The following LRPPRC variants were observed in gnomAD, a reference collection of about 807,000 sequenced individuals.
The protein encoded by LRPPRC is leucine-rich PPR motif-containing protein, mitochondrial.
LRPPRC carries 120 observed loss-of-function variants against 180.3 expected under a neutral mutation model. That is an observed-to-expected ratio of 0.67 (90% CI 0.57 to 0.77). The LOEUF is 0.77. Ranked by LOEUF, LRPPRC falls within the 30% of genes least tolerant of loss-of-function variation. LRPPRC has a pLI of 0.00. For missense variants in LRPPRC, 2,012 were observed against 1,657.2 expected (o/e 1.21, Z -3.72); for synonymous variants, 723 against 600.0 (o/e 1.21, Z -3.00).
intron 1 of LRPPRC, among the ~76,000 whole-genome samples, chr2:43,984,761 G>A (rs775108362): frequency 3.3e-5 from 5 of 152,144 alleles, no homozygotes; most frequent in Non-Finnish European, 7.3e-5. Flanking sequence ...CACCAGGCTT[G>A]CACAAGCTGG....
chr2:43,923,396 G>A (rs1572924820), intron 27 of LRPPRC, among the ~76,000 whole-genome samples: 1 of 152,288 alleles, frequency 6.6e-6, no homozygotes, highest in East Asian at 1.9e-4. Flanking sequence ...AGAGGCTGAG[G>A]TGGGAGGATT....
intron 11 of LRPPRC, chr2:43,963,931 C>G: frequency 1.7e-6 from 1 of 573,984 alleles, no homozygotes; most frequent in South Asian, 2.1e-5. Flanking sequence ...AAGAAACTAT[C>G]CTTGAAATTA....
At chr2:43,900,197 G>T (rs1670835353) in intron 32 of LRPPRC, among the ~76,000 whole-genome samples, 1 of 151,890 alleles carries the variant, frequency 6.6e-6, no homozygotes, top group African/African-American at 2.4e-5. Context: ...TCAGGAAAAA[G>T]TATCTTCACA....
chr2:43,974,838 TC>T, intron 7 of LRPPRC, 80 bp from the exon 8 acceptor site: 1 of 1,421,720 alleles, frequency 7.0e-7, no homozygotes. Context: ...ATATCCAGAT[TC>T]AAAAAACTAG....
chr2:43,925,834 G>C (rs1283260730), intron 26 of LRPPRC, 59 bp downstream of exon 26: 1 of 1,072,780 alleles, frequency 9.3e-7, no homozygotes, highest in African/African-American at 1.5e-5. Context: ...GTGATACAGA[G>C]GACCCTTGCC....
chr2:43,909,611 TTAATAATAATAATAATAA>T (rs10542740), intron 30 of LRPPRC, among the ~76,000 whole-genome samples: 27 of 143,716 alleles, frequency 1.9e-4, no homozygotes, highest in Admixed American at 4.2e-4. Flanking sequence ...AAAAACCCAA[TTAATAATAATAATAATAA>T]TAATAATAAT....
intron 17 of LRPPRC, 29 bp downstream of exon 17, chr2:43,948,383 G>A (rs1193443536): frequency 7.6e-7 from 1 of 1,307,234 alleles, no homozygotes; most frequent in African/African-American, 1.4e-5. Context: ...GGCAGGACAG[G>A]CATTATATAG....
chr2:43,972,186 T>C (rs1199030999), intron 11 of LRPPRC, among the ~76,000 whole-genome samples: 1 of 152,200 alleles, frequency 6.6e-6, no homozygotes, highest in African/African-American at 2.4e-5. Context: ...ACGTGGAAGC[T>C]AAGGTCAGTC....
At chr2:43,969,891 G>C (rs565848573) in intron 11 of LRPPRC, among the ~76,000 whole-genome samples, 189 of 152,150 alleles carry the variant, frequency 1.2e-3, no homozygotes, top group Non-Finnish European at 2.3e-3. Flanking sequence ...CCCAAGGCTA[G>C]TCTCAAAATC....
upstream of LRPPRC, chr2:43,996,139 C>A (rs190945903): frequency 9.2e-6 from 5 of 545,348 alleles, no homozygotes; most frequent in Admixed American, 1.5e-4. Flanking sequence ...GTAATATTTA[C>A]ATAAACGATG....
chr2:43,913,623 T>G lies in LRPPRC; in HGVS notation c.3149-1065A>C, dbSNP rs577163325. ...TTTAAGCTAAATTTGGAGAAAAAAA[T>G]ATACGGCAACATTTATATTTGCATC... On this transcript the variant is annotated intron_variant, in intron 29 of 37. Transcript: ENST00000260665. 4.6e-5 allele frequency among the ~76,000 whole-genome samples: 7 copies of G among 152,224 alleles called. No homozygotes were observed. In the East Asian group the frequency reaches 1.2e-3, roughly 25 times the overall value.
chr2:43,947,844 A>G (rs1342474634), intron 18 of LRPPRC, 69 bp from the exon 19 acceptor site: 1 of 1,033,024 alleles, frequency 9.7e-7, no homozygotes, highest in Non-Finnish European at 1.5e-6. Flanking sequence ...AAACATCAAA[A>G]GCAAATTTGT....
chr2:43,891,590 G>T (rs1185368029), intron 36 of LRPPRC, among the ~76,000 whole-genome samples: 1 of 152,158 alleles, frequency 6.6e-6, no homozygotes, highest in East Asian at 1.9e-4. Context: ...CATGGAAGAT[G>T]GCAAACTTGA....
At chr2:43,989,251 G>A (rs1222824457) in intron 1 of LRPPRC, among the ~76,000 whole-genome samples, 1 of 152,166 alleles carries the variant, frequency 6.6e-6, no homozygotes, top group Non-Finnish European at 1.5e-5. Context: ...AGCTGCCCCA[G>A]TTTTATGCTT....
chr2:43,966,961 G>C (rs1673587716), intron 11 of LRPPRC, among the ~76,000 whole-genome samples: 1 of 152,014 alleles, frequency 6.6e-6, no homozygotes, highest in African/African-American at 2.4e-5. Flanking sequence ...TGAAGAAGGA[G>C]AACTGCTTGA....
intron 1 of LRPPRC, among the ~76,000 whole-genome samples, chr2:43,985,885 C>T (rs866746837): frequency 6.6e-6 from 1 of 152,186 alleles, no homozygotes; most frequent in Non-Finnish European, 1.5e-5. Flanking sequence ...AGAAAACTAT[C>T]AAACTATCTT....
intron 27 of LRPPRC, among the ~76,000 whole-genome samples, chr2:43,922,492 C>A (rs573584980): frequency 1.3e-5 from 2 of 152,256 alleles, no homozygotes; most frequent in Admixed American, 6.5e-5. Context: ...ATCCACAATG[C>A]AAAATATGGA....
chr2:43,959,846 T>C (rs545291578), intron 13 of LRPPRC, among the ~76,000 whole-genome samples: 1 of 152,202 alleles, frequency 6.6e-6, no homozygotes, highest in Admixed American at 6.5e-5. Context: ...TTCGCACCAC[T>C]GCATTCCAGC....
intron 2 of LRPPRC, among the ~76,000 whole-genome samples, 166 bp from the exon 3 acceptor site, chr2:43,980,114 T>C (rs2103736656): frequency 6.6e-6 from 1 of 152,348 alleles, no homozygotes; most frequent in South Asian, 2.1e-4. Flanking sequence ...GTTACTAAGT[T>C]ACAAGTCAAA....
Sources: gnomAD v4.1 joint callset for allele counts (sites outside exome capture counted in the v4.1 genomes callset) on GRCh38, gnomAD v4.1.1 for gene constraint, MANE v1.5 for transcripts, NCBI Gene and HGNC (gene_info 2026-07-23, HGNC 2026-07-21) for gene names.